The following MDN1 variants were observed in gnomAD, a reference collection of about 807,000 sequenced individuals.
MDN1 encodes the protein midasin AAA ATPase 1.
A neutral mutation model predicts 669.2 loss-of-function variants in MDN1; 266 were observed. That is an observed-to-expected ratio of 0.40 (90% CI 0.36 to 0.44). MDN1 has a LOEUF of 0.44. Among genes scored for constraint, MDN1 ranks in the 20% least tolerant of loss-of-function variants. MDN1 has a pLI of 1.00. For missense variants in MDN1, 5,940 were observed against 6,754.0 expected, an observed-to-expected ratio of 0.88 and a Z score of 4.22; for synonymous variants, 2,385 against 2,457.1, an observed-to-expected ratio of 0.97 and a Z score of 0.87.
At chr6:89,747,839 C>A (rs1445287947) in intron 26 of MDN1, among the ~76,000 whole-genome samples, 2 of 142,282 alleles carry the variant, frequency 1.4e-5, no homozygotes, top group Non-Finnish European at 3.0e-5. Flanking sequence ...TGCAGTGAGC[C>A]GAGACTGCGC....
rs1562107610 is a variant in MDN1 at position 89,699,027 on chromosome 6, A to G, written c.9006T>C (p.Pro3002=). The change falls in exon 59 of 102, where the codon CCT becomes CCC. Residue 3002 remains proline (P), a synonymous_variant. Coordinates refer to ENST00000369393, the MANE Select transcript of MDN1 (RefSeq NM_014611.3). ...CGGACCACAAAGATGTAATTTCTTC[A>G]GGAGACACCTAGAAATAAAGGAATA... is the stretch of plus-strand genomic sequence containing the variant. ...WSLLHHQKVS[P]EEITSLWSEL... is the part of the protein sequence containing the mutation. 1 of 1,610,830 alleles carries G rather than the reference A, an allele frequency of 6.2e-7. No homozygotes were observed. The highest frequency in any genetic ancestry group is 8.5e-7 in the Non-Finnish European group (1 of 1,177,812).
chr6:89,809,593 T>C (rs1358045820), intron 1 of MDN1, among the ~76,000 whole-genome samples: 3 of 151,738 alleles, frequency 2.0e-5, no homozygotes, highest in Non-Finnish European at 4.4e-5. Context: ...CTGACCAACA[T>C]AGCGAAACCC....
chr6:89,658,445 AG>A, intron 89 of MDN1, 75 bp from the exon 90 acceptor site: 2 of 1,588,698 alleles, frequency 1.3e-6, no homozygotes, highest in Non-Finnish European at 1.7e-6. Context: ...TGCAACAAGC[AG>A]GCTTCCCCAC....
chr6:89,762,308 C>T lies in MDN1; in HGVS notation c.2356+11G>A. The T allele has an allele frequency of 6.2e-7, 1 of 1,610,886 alleles. No homozygotes were observed. The highest frequency in any genetic ancestry group is 8.5e-7 in the Non-Finnish European group (1 of 1,177,822). ...TGCCCTCCCCCATGGCAGCCTGGGT[C>T]ACATCCTTACCAGTTTCACTGTCTT... is the stretch of plus-strand genomic sequence containing the variant. On this transcript the variant is annotated intron_variant, in intron 16 of 101. Transcript: ENST00000369393.
At position 89,695,198 on chromosome 6, in the gene MDN1, C is replaced by T. The variant is rs1204321393; in HGVS notation, c.9771+407G>A. Among the ~76,000 whole-genome samples, 1 of 152,190 alleles carries T rather than the reference C, an allele frequency of 6.6e-6. No individual in the cohort carries two copies. Among genetic ancestry groups the T allele is most frequent in the Non-Finnish European group, 1.5e-5 (1 of 68,034 alleles). The stretch of plus-strand genomic sequence containing the variant: ...AGTGAGCCGAGATTGTGCCACTGCA[C>T]TCCTGCCTGGACGAGAAAGCAAGGC... On this transcript the variant is annotated intron_variant, in intron 61 of 101. Transcript: ENST00000369393. This position sits in a 1 kb window ranked among gnomAD's most constrained non-coding sequence, Gnocchi z 4.1.
chr6:89,656,212 A>G (rs1453219632), intron 91 of MDN1, among the ~76,000 whole-genome samples: 3 of 152,236 alleles, frequency 2.0e-5, no homozygotes, highest in Non-Finnish European at 4.4e-5. Flanking sequence ...CATATATGTC[A>G]TATATGCAGA....
At chr6:89,704,280 C>T (rs745894684) in intron 53 of MDN1, among the ~76,000 whole-genome samples, 4 of 152,062 alleles carry the variant, frequency 2.6e-5, no homozygotes, top group Non-Finnish European at 5.9e-5. Context: ...ACTCAGGAGG[C>T]TGAGGCAGGA....
At chr6:89,789,660 C>T (rs1819146479) in intron 7 of MDN1, 120 bp downstream of exon 7, 6 of 1,193,654 alleles carry the variant, frequency 5.0e-6, no homozygotes, top group South Asian at 1.6e-5. Context: ...GTACCTGCAA[C>T]ATAGTACGTC....
chr6:89,803,890 C>CTTTCTTT (rs377468650), intron 1 of MDN1, among the ~76,000 whole-genome samples: 943 of 92,792 alleles, frequency 0.01, 51 homozygotes, highest in Admixed American at 0.015. Context: ...CTTTTCTTTT[C>CTTTCTTT]TTTTCTTTTT....
Position 89,716,730 on chromosome 6 carries a change from T to C in MDN1, c.6663A>G (p.Thr2221=). The change falls in exon 44 of 102, where the codon ACA becomes ACG. Residue 2221 remains threonine, a synonymous_variant. Coordinates refer to ENST00000369393, the MANE Select transcript of MDN1 (RefSeq NM_014611.3). The part of the protein sequence containing the change: ...TQLASGHSHG[T]FEWVDSMLVQ... ...CCAACATGCTGTCAACCCATTCAAA[T>C]GTGCCATGGCTATGGCCACTGGCCA... The C allele has an allele frequency of 6.2e-7, 1 of 1,614,126 alleles. No individual in the cohort carries two copies. Among genetic ancestry groups the C allele is most frequent in the Non-Finnish European group, 8.5e-7 (1 of 1,179,968 alleles).
At chr6:89,794,846 G>A (rs553945826) in intron 2 of MDN1, 45 bp from the exon 3 acceptor site, 1 of 1,532,228 alleles carries the variant, frequency 6.5e-7, no homozygotes, top group African/African-American at 1.4e-5. Context: ...AACAATGGTT[G>A]GACTTAATTT....
chr6:89,758,745 AC>A (rs1229283439), intron 18 of MDN1, 70 bp downstream of exon 18: 288 of 1,509,784 alleles, frequency 1.9e-4, no homozygotes, highest in Admixed American at 4.2e-4. Context: ...AACAACAACA[AC>A]AAAAAATCTC....
intron 83 of MDN1, among the ~76,000 whole-genome samples, chr6:89,670,165 TA>T (rs1451629534): frequency 0.11 from 2,746 of 25,742 alleles, 116 homozygotes; most frequent in Non-Finnish European, 0.15. Flanking sequence ...TATATATATA[TA>T]TATATTTTTT....
chr6:89,667,483 A>C (rs1340440709), intron 84 of MDN1, among the ~76,000 whole-genome samples: 2 of 152,238 alleles, frequency 1.3e-5, no homozygotes, highest in Non-Finnish European at 2.9e-5. Flanking sequence ...CAATACACAT[A>C]AATCACTCAC....
intron 84 of MDN1, 85 bp from the exon 85 acceptor site, chr6:89,664,713 G>GC: frequency 1.9e-6 from 2 of 1,080,442 alleles, no homozygotes; most frequent in South Asian, 1.6e-5. Flanking sequence ...AAGGTTAATG[G>GC]TGTAAAAATA....
rs903314406 is a variant in MDN1, at chr6:89,743,523, C to T, written c.4317+53G>A. 9 of 1,582,284 alleles carry T rather than the reference C, an allele frequency of 5.7e-6. No homozygotes were observed. The African/African-American group carries it at 9.5e-5, about 17-fold the overall frequency. On this transcript the variant is annotated intron_variant, in intron 30 of 101. Transcript: ENST00000369393. ...CCAGAAACCCCACCACTAACTCATG[C>T]ACAGCTAACTGCAGTTTTTTAAAAT...
chr6:89,794,112 T>C lies in MDN1; in HGVS notation c.650A>G (p.His217Arg), dbSNP rs931926911. The C allele has an allele frequency of 6.3e-6, 10 of 1,580,796 alleles. No homozygotes were observed. The South Asian group carries it at 8.2e-5, about 13-fold the overall frequency. Residue 217 changes from histidine to arginine, a missense_variant, in exon 4 of 102, where the codon CAT becomes CGT. This residue lies in a region of MDN1 where 1,203 missense variants were observed against 1,268.9 expected (regional missense o/e 0.95). Coordinates refer to ENST00000369393, the MANE Select transcript of MDN1 (RefSeq NM_014611.3). ...GGTTCCTGCTTACCTCAACCTGAAA[T>C]GGATCAATTCATCACTATTAAATAT... ...KKIFNSDELI[H>R]FRLRLLEEAQ... is the part of the protein sequence containing the mutation.
intron 1 of MDN1, among the ~76,000 whole-genome samples, chr6:89,806,644 G>A (rs1232178087): frequency 2.6e-5 from 4 of 152,174 alleles, no homozygotes; most frequent in East Asian, 3.8e-4. Context: ...CTTGAACCCA[G>A]GAGGCGGAGG....
At chr6:89,689,793 T>C (rs542653468) in intron 65 of MDN1, 77 bp downstream of exon 65, 99 of 1,482,190 alleles carry the variant, frequency 6.7e-5, no homozygotes, top group Non-Finnish European at 8.7e-5. Context: ...ATGAGTGTGA[T>C]TGTTACAGAG....
Sources: gnomAD v4.1 joint callset for allele counts (sites outside exome capture counted in the v4.1 genomes callset) on GRCh38, gnomAD v4.1.1 for gene constraint, gnomAD v4.1.1 regional missense constraint, Gnocchi (gnomAD v3.1) non-coding constraint, MANE v1.5 for transcripts, NCBI Gene and HGNC (gene_info 2026-07-23, HGNC 2026-07-21) for gene names.